TMEM26: variants seen among roughly 807,000 people sequenced by gnomAD.
TMEM26 encodes transmembrane protein 26.
Under a neutral mutation model 28.8 loss-of-function variants are expected in TMEM26, and 38 were observed. That is an observed-to-expected ratio of 1.32 (90% CI 1.02 to 1.73). The LOEUF (loss-of-function observed/expected upper bound fraction) is 1.73. TMEM26 is among the 40% of genes most tolerant of loss of function. TMEM26 has a pLI of 0.00. For missense variants in TMEM26, 518 were observed against 447.1 expected, an observed-to-expected ratio of 1.16 and a Z score of -1.43; for synonymous variants, 227 against 182.9, an observed-to-expected ratio of 1.24 and a Z score of -1.95.
At chr10:61,442,179 A>T (rs1412823466) in intron 1 of TMEM26, among the ~76,000 whole-genome samples, 1 of 152,166 alleles carries the variant, frequency 6.6e-6, no homozygotes, top group East Asian at 1.9e-4. Flanking sequence ...TACCATACAA[A>T]GTTGTCATTT....
chr10:61,443,942 T>G (rs1481157577), intron 1 of TMEM26, among the ~76,000 whole-genome samples: 3 of 152,206 alleles, frequency 2.0e-5, no homozygotes, highest in African/African-American at 7.2e-5. Flanking sequence ...CATAAAATAT[T>G]TCAGAAGAAA....
chr10:61,427,945 G>T (rs1839858680), intron 4 of TMEM26, among the ~76,000 whole-genome samples: 1 of 152,066 alleles, frequency 6.6e-6, no homozygotes, highest in South Asian at 2.1e-4. Flanking sequence ...AATCAATTTA[G>T]ATTGGATTTT....
intron 1 of TMEM26, among the ~76,000 whole-genome samples, chr10:61,440,514 CA>C (rs60111640): frequency 0.26 from 25,618 of 98,866 alleles, 2,678 homozygotes; most frequent in African/African-American, 0.41. Flanking sequence ...TTCCAGTTCT[CA>C]AAAAAAAAAA....
intron 5 of TMEM26, among the ~76,000 whole-genome samples, chr10:61,412,070 A>C (rs1225168756): frequency 2.0e-5 from 3 of 152,218 alleles, no homozygotes; most frequent in African/African-American, 4.8e-5. Context: ...ACAAAAGAGA[A>C]ACCAAGGTTA....
In TMEM26 at chr10:61,408,447, G is replaced by A. The variant is rs147761167; in HGVS notation, c.*1875C>T. ...TTTTTAGGGCCTCAGTGTTTATTTT[G>A]CTGGAAGAAAAAAATTAAAACATGA... On this transcript the variant is annotated 3_prime_UTR_variant, in exon 6 of 6. Transcript: ENST00000399298. 72 of 152,152 alleles carry A rather than the reference G, an allele frequency of 4.7e-4. No individual in the cohort carries two copies. Among genetic ancestry groups the A allele is most frequent in the African/African-American group, 1.6e-3 (68 of 41,500 alleles). 9.4% of individuals were successfully genotyped at this position (152,152 alleles called of 1,614,324 possible). A position where few individuals can be genotyped will look rare whatever the true frequency, so the allele number is the denominator to read the frequency against.
At chr10:61,441,395 T>C (rs1840090362) in intron 1 of TMEM26, among the ~76,000 whole-genome samples, 1 of 152,228 alleles carries the variant, frequency 6.6e-6, no homozygotes, top group African/African-American at 2.4e-5. Flanking sequence ...TATTTTAGTG[T>C]GATATCTTTG....
At chr10:61,432,298 T>A (rs868138755) in intron 2 of TMEM26, among the ~76,000 whole-genome samples, 22 of 152,132 alleles carry the variant, frequency 1.4e-4, no homozygotes, top group African/African-American at 5.3e-4. Context: ...TAAAAGCCAA[T>A]TTAGGTCTAT....
At chr10:61,427,999 T>C (rs898582827) in intron 4 of TMEM26, among the ~76,000 whole-genome samples, 6 of 152,150 alleles carry the variant, frequency 3.9e-5, no homozygotes, top group African/African-American at 4.8e-5. Flanking sequence ...AAAATTAGTA[T>C]AGATGAAACA....
chr10:61,413,184 G>A lies in TMEM26; in HGVS notation c.682+275C>T, dbSNP rs367988844. 2.2e-4 allele frequency among the ~76,000 whole-genome samples: 33 copies of A among 152,168 alleles called. 1 individual carries two copies. In the South Asian group the frequency reaches 5.2e-3, roughly 24 times the overall value. On this transcript the variant is annotated intron_variant, in intron 5 of 5. Coordinates refer to ENST00000399298, the MANE Select transcript of TMEM26 (RefSeq NM_178505.8). Reference sequence around the variant, plus strand: ...ACACAGATGTATTACCTGGTTTGCAGGAGGTCTTATAAATCATAACTGACG... The same window carrying A: ...ACACAGATGTATTACCTGGTTTGCAAGAGGTCTTATAAATCATAACTGACG...
intron 1 of TMEM26, among the ~76,000 whole-genome samples, chr10:61,448,365 T>C (rs1284083745): frequency 6.6e-6 from 1 of 152,224 alleles, no homozygotes; most frequent in Non-Finnish European, 1.5e-5. Flanking sequence ...AACTGACAAC[T>C]AACTGGTCCC....
rs1422424168 is a variant in TMEM26 at position 61,441,410 on chromosome 10, T to C, written c.192-5162A>G. Among the ~76,000 whole-genome samples the C allele has an allele frequency of 2.6e-5, 4 of 152,246 alleles. No individual in the cohort carries two copies. In the East Asian group the frequency reaches 7.7e-4, roughly 29 times the overall value. ...TATTTTAGTGTGATATCTTTGCCAT[T>C]AATTACTATTTTGAGGGTTTGCAGT... On this transcript the variant is annotated intron_variant, in intron 1 of 5. Coordinates refer to ENST00000399298, the MANE Select transcript of TMEM26 (RefSeq NM_178505.8).
At chr10:61,424,241 G>T (rs970244394) in intron 4 of TMEM26, among the ~76,000 whole-genome samples, 2 of 152,208 alleles carry the variant, frequency 1.3e-5, no homozygotes, top group South Asian at 2.1e-4. Context: ...TCATACAGAA[G>T]TAAACTGTGT....
intron 1 of TMEM26, among the ~76,000 whole-genome samples, chr10:61,436,864 C>A (rs1048757256): frequency 6.6e-6 from 1 of 152,078 alleles, no homozygotes; most frequent in African/African-American, 2.4e-5. Flanking sequence ...TTTTCTCATT[C>A]AAAATTCAGA....
chr10:61,437,305 G>A (rs1484763791), intron 1 of TMEM26, among the ~76,000 whole-genome samples: 46 of 152,122 alleles, frequency 3.0e-4, no homozygotes, highest in Non-Finnish European at 4.4e-5. Flanking sequence ...CCTGGAAGGG[G>A]AGACAATTCA....
rs527489745 is a variant in TMEM26 at position 61,444,664 on chromosome 10, A to C, written c.191+8227T>G. 1.6e-4 allele frequency among the ~76,000 whole-genome samples: 25 copies of C among 151,924 alleles called. No homozygotes were observed. The South Asian group carries it at 5.0e-3, about 30-fold the overall frequency. ...TTACCCTCATAATTTAAAAAAAAAA[A>C]AAAAAAACACCAACAGAACTTTGAC... On this transcript the variant is annotated intron_variant, in intron 1 of 5. Coordinates refer to ENST00000399298, the MANE Select transcript of TMEM26 (RefSeq NM_178505.8).
At chr10:61,428,170 A>G (rs1254612502) in intron 4 of TMEM26, among the ~76,000 whole-genome samples, 1 of 152,116 alleles carries the variant, frequency 6.6e-6, no homozygotes, top group Non-Finnish European at 1.5e-5. Flanking sequence ...AGCCAGACTC[A>G]TTCCAATTTA....
At chr10:61,442,913 C>G (rs1322761797) in intron 1 of TMEM26, among the ~76,000 whole-genome samples, 2 of 152,156 alleles carry the variant, frequency 1.3e-5, no homozygotes, top group Non-Finnish European at 2.9e-5. Context: ...CTCTCTTCAA[C>G]TCCTCAACGT....
In TMEM26 at chr10:61,428,974, G is replaced by A; in HGVS notation, c.557C>T (p.Ala186Val). Residue 186 changes from alanine (A) to valine (V), a missense_variant, in exon 4 of 6, where the codon GCT (alanine) becomes GTT (valine). By Grantham distance (64) the Ala-to-Val change is moderately conservative. Coordinates refer to ENST00000399298, the MANE Select transcript of TMEM26 (RefSeq NM_178505.8). ...QLLLMFVGTA[A>V]DILEFTSETL... Reference sequence around the variant, plus strand: ...CTCACTTGTGAATTCCAGTATGTCAGCCGCTGTCCCCACAAACATAAGAAG... The same window carrying A: ...CTCACTTGTGAATTCCAGTATGTCAACCGCTGTCCCCACAAACATAAGAAG... 6.2e-7 allele frequency: 1 copy of A among 1,613,128 alleles called. No homozygotes were observed. The highest frequency in any genetic ancestry group is 8.5e-7 in the Non-Finnish European group (1 of 1,179,396).
chr10:61,416,834 C>T (rs1465398804), intron 4 of TMEM26, among the ~76,000 whole-genome samples: 1 of 152,012 alleles, frequency 6.6e-6, no homozygotes, highest in Non-Finnish European at 1.5e-5. Context: ...CACCATCCTA[C>T]AGAATAGGGA....
Sources: allele counts gnomAD v4.1 joint callset (sites outside exome capture counted in the v4.1 genomes callset), GRCh38; gene constraint gnomAD v4.1.1; transcripts MANE v1.5; gene names NCBI Gene and HGNC (gene_info 2026-07-23, HGNC 2026-07-21).